The following CSMD1 variants were observed in gnomAD, a reference collection of about 807,000 sequenced individuals.
CSMD1 encodes the protein CUB and sushi domain-containing protein 1.
Under a neutral mutation model 417.5 loss-of-function variants are expected in CSMD1, and 213 were observed. That is an observed-to-expected ratio of 0.51 (90% CI 0.46 to 0.57). CSMD1 has a LOEUF of 0.57. CSMD1 is among the 20% of genes least tolerant of loss of function. The pLI is 0.00. For synonymous variants in CSMD1, 2,862 were observed against 1,736.8 expected (o/e 1.65, Z -16.11); for missense variants, 6,923 against 4,529.7 (o/e 1.53, Z -15.17).
At chr8:3,166,637 C>T (rs892910167) in intron 37 of CSMD1, among the ~76,000 whole-genome samples, 1 of 152,142 alleles carries the variant, frequency 6.6e-6, no homozygotes, top group Non-Finnish European at 1.5e-5. Context: ...AGTGATCTCT[C>T]ATATTGTCAA....
At chr8:3,413,937 G>A (rs112448173) in intron 12 of CSMD1, among the ~76,000 whole-genome samples, 2,606 of 151,844 alleles carry the variant, frequency 0.017, 76 homozygotes, top group African/African-American at 0.06. Flanking sequence ...TCATGAGTTG[G>A]AGACCAGCCT....
intron 15 of CSMD1, among the ~76,000 whole-genome samples, chr8:3,405,705 G>C (rs1431515962): frequency 1.3e-5 from 2 of 152,168 alleles, no homozygotes; most frequent in African/African-American, 4.8e-5. Context: ...CTCCTTTTGA[G>C]TCTGGAGGCA....
chr8:3,406,041 A>C lies in CSMD1; in HGVS notation c.2252T>G (p.Val751Gly). Residue 751 changes from valine (V) to glycine (G), a missense_variant, in exon 15 of 70, where the codon GTG (valine) becomes GGG (glycine). By Grantham distance (109) the Val-to-Gly change is moderately radical. Coordinates refer to ENST00000635120, the MANE Select transcript of CSMD1 (RefSeq NM_033225.6). ...AGGGACTGCACCTTCACAGCGGGGC[A>C]CGGTGGAGCTCCAGACCACGTTCCC... ...QDGNVVWSST[V>G]PRCEAPCGGH... The C allele has an allele frequency of 6.2e-7, 1 of 1,613,814 alleles. No individual in the cohort carries two copies.
intron 3 of CSMD1, among the ~76,000 whole-genome samples, chr8:4,214,572 AC>A (rs773849739): frequency 1.3e-5 from 2 of 152,188 alleles, no homozygotes; most frequent in African/African-American, 2.4e-5. Context: ...TGCTGGAATT[AC>A]AGGCATGAGC....
At chr8:3,343,767 CT>C (rs773570856) in intron 22 of CSMD1, among the ~76,000 whole-genome samples, 2 of 151,918 alleles carry the variant, frequency 1.3e-5, no homozygotes, top group African/African-American at 2.4e-5. Flanking sequence ...CATTATCTAC[CT>C]TTTTATTCCT....
At chr8:4,494,544 G>A (rs1172053038) in intron 2 of CSMD1, among the ~76,000 whole-genome samples, 1 of 151,994 alleles carries the variant, frequency 6.6e-6, no homozygotes, top group Non-Finnish European at 1.5e-5. Context: ...AACATTATTG[G>A]AGATTTATCT....
At chr8:2,941,276 A>G (rs1010855144) in intron 69 of CSMD1, among the ~76,000 whole-genome samples, 1 of 152,228 alleles carries the variant, frequency 6.6e-6, no homozygotes, top group African/African-American at 2.4e-5. Context: ...TCTACTGTGT[A>G]TTTCAAAAGT....
intron 10 of CSMD1, among the ~76,000 whole-genome samples, chr8:3,494,884 G>A (rs998628603): frequency 1.3e-5 from 2 of 152,124 alleles, no homozygotes; most frequent in South Asian, 2.1e-4. Context: ...AAGCTTGAAA[G>A]AAAAGAGTAA....
chr8:4,732,297 T>A (rs1340605370), intron 1 of CSMD1, among the ~76,000 whole-genome samples: 2 of 151,698 alleles, frequency 1.3e-5, no homozygotes, highest in East Asian at 1.9e-4. Context: ...GAAACCTTAA[T>A]GTTAAATTAA....
chr8:4,451,785 G>T (rs149213607), intron 2 of CSMD1, among the ~76,000 whole-genome samples: 1 of 151,952 alleles, frequency 6.6e-6, no homozygotes, highest in South Asian at 2.1e-4. Flanking sequence ...ATTTGAGCAG[G>T]ATCCACAATG....
chr8:4,070,943 T>C (rs1358004932), intron 3 of CSMD1, among the ~76,000 whole-genome samples: 1 of 152,206 alleles, frequency 6.6e-6, no homozygotes, highest in Non-Finnish European at 1.5e-5. Flanking sequence ...GCCTCCATGG[T>C]GTTTGATGTA....
At chr8:3,342,364 C>G (rs1242440918) in intron 23 of CSMD1, among the ~76,000 whole-genome samples, 2 of 152,160 alleles carry the variant, frequency 1.3e-5, no homozygotes, top group Non-Finnish European at 2.9e-5. Context: ...CACTAACATA[C>G]TTTTATGCTC....
At chr8:4,880,997 T>G (rs1401180427) in intron 1 of CSMD1, among the ~76,000 whole-genome samples, 1 of 152,066 alleles carries the variant, frequency 6.6e-6, no homozygotes, top group East Asian at 1.9e-4. Flanking sequence ...TAATGAGGCC[T>G]TTCCTTTCCT....
chr8:4,113,669 G>A (rs1195479027), intron 3 of CSMD1, among the ~76,000 whole-genome samples: 4 of 152,134 alleles, frequency 2.6e-5, no homozygotes, highest in African/African-American at 9.7e-5. Flanking sequence ...CTCCCAAAGT[G>A]CTAGGATTAC....
intron 2 of CSMD1, among the ~76,000 whole-genome samples, chr8:4,487,217 A>G (rs1200133813): frequency 6.6e-6 from 1 of 152,088 alleles, no homozygotes; most frequent in Non-Finnish European, 1.5e-5. Flanking sequence ...ACATGTGCAC[A>G]ATGTGCCGGT....
At chr8:3,095,419 T>C (rs539675069) in intron 47 of CSMD1, among the ~76,000 whole-genome samples, 5 of 152,182 alleles carry the variant, frequency 3.3e-5, no homozygotes, top group Non-Finnish European at 5.9e-5. Flanking sequence ...GAAAAAGTTG[T>C]AAATAATGTA....
At chr8:4,535,247 T>C (rs148823487) in intron 2 of CSMD1, among the ~76,000 whole-genome samples, 117 of 152,332 alleles carry the variant, frequency 7.7e-4, no homozygotes, top group African/African-American at 2.6e-3. Context: ...AATTTTTAAA[T>C]AATTTAAATG....
intron 1 of CSMD1, among the ~76,000 whole-genome samples, chr8:4,893,668 A>G (rs1230985366): frequency 2.0e-5 from 3 of 152,120 alleles, no homozygotes; most frequent in Admixed American, 6.5e-5. Flanking sequence ...CTTTTTCCTA[A>G]CTGGTTCAAA....
chr8:3,060,573 T>C (rs921603715), intron 49 of CSMD1, among the ~76,000 whole-genome samples: 1 of 152,212 alleles, frequency 6.6e-6, no homozygotes, highest in East Asian at 1.9e-4. Flanking sequence ...ATGATTGTTG[T>C]AAGTTGGTTT....
Sources: gnomAD v4.1 joint callset for allele counts (sites outside exome capture counted in the v4.1 genomes callset) on GRCh38, gnomAD v4.1.1 for gene constraint, MANE v1.5 for transcripts, NCBI Gene and HGNC (gene_info 2026-07-23, HGNC 2026-07-21) for gene names.